UST: variants seen among roughly 807,000 people sequenced by gnomAD.
UST encodes the protein chondroitin sulfate 2-O-sulfotransferase.
A neutral mutation model predicts 45.6 loss-of-function variants in UST; 21 were observed. The ratio of observed to expected loss-of-function variants is 0.46; its 90% CI spans 0.33 to 0.66. The LOEUF (loss-of-function observed/expected upper bound fraction) is 0.66. Ranked by LOEUF, UST falls within the 30% of genes least tolerant of loss-of-function variation. UST has a pLI of 0.02. For synonymous variants in UST, 215 were observed against 200.6 expected, an observed-to-expected ratio of 1.07 and a Z score of -0.61; for missense variants, 463 against 512.4, an observed-to-expected ratio of 0.90 and a Z score of 0.93.
chr6:148,976,347 C>T (rs909729542), intron 5 of UST, among the ~76,000 whole-genome samples: 12 of 152,154 alleles, frequency 7.9e-5, no homozygotes, highest in African/African-American at 2.7e-4. Flanking sequence ...TTTCAAACTA[C>T]GAACATGACA....
chr6:148,902,420 G>A (rs1315531466), intron 2 of UST, among the ~76,000 whole-genome samples: 8 of 149,260 alleles, frequency 5.4e-5, no homozygotes, highest in Non-Finnish European at 1.0e-4. Flanking sequence ...AATTTTAATA[G>A]ACCCAAGGTC....
intron 1 of UST, among the ~76,000 whole-genome samples, chr6:148,813,286 T>C (rs1777293556): frequency 6.6e-6 from 1 of 152,174 alleles, no homozygotes; most frequent in Non-Finnish European, 1.5e-5. Flanking sequence ...CCAGAACCCT[T>C]TTTTTCTTTT....
chr6:149,023,101 GGTGTGT>G (rs61544082), intron 7 of UST, among the ~76,000 whole-genome samples: 24,403 of 143,294 alleles, frequency 0.17, 2,251 homozygotes, highest in Middle Eastern at 0.19. Flanking sequence ...CTTGTTCTAT[GGTGTGT>G]GTGTGTGTGT....
intron 1 of UST, among the ~76,000 whole-genome samples, chr6:148,788,603 A>C (rs1282313359): frequency 6.6e-6 from 1 of 152,264 alleles, no homozygotes; most frequent in East Asian, 1.9e-4. Flanking sequence ...GACACATCCA[A>C]TCTGCGTGGC....
At chr6:148,913,423 C>CTTTTTTTTTTTTTTTTTT (rs34110477) in intron 2 of UST, among the ~76,000 whole-genome samples, 1 of 79,880 alleles carries the variant, frequency 1.3e-5, no homozygotes, top group African/African-American at 5.0e-5. Context: ...GACCAAAAAT[C>CTTTTTTTTTTTTTTTTTT]TTTTTTTTTT....
chr6:149,040,688 T>C (rs574113104), intron 7 of UST, among the ~76,000 whole-genome samples: 10 of 152,236 alleles, frequency 6.6e-5, no homozygotes, highest in Admixed American at 6.5e-4. Flanking sequence ...AATAAAATTG[T>C]ATTTTGTATG....
chr6:148,949,031 C>T (rs1177695236), intron 3 of UST, among the ~76,000 whole-genome samples: 2 of 152,078 alleles, frequency 1.3e-5, no homozygotes, highest in African/African-American at 4.8e-5. Flanking sequence ...TGGCTCACAC[C>T]TGTAATCCTA....
chr6:148,757,937 T>G (rs965874381), intron 1 of UST, among the ~76,000 whole-genome samples: 4 of 152,262 alleles, frequency 2.6e-5, no homozygotes, highest in African/African-American at 9.6e-5. Context: ...TTTATTAACT[T>G]CTCTGAACCT....
chr6:148,815,705 T>C (rs1490109290), intron 1 of UST, among the ~76,000 whole-genome samples: 1 of 152,100 alleles, frequency 6.6e-6, no homozygotes, highest in Non-Finnish European at 1.5e-5. Context: ...GAACAAATAG[T>C]GGTCTTGGTC....
At chr6:148,798,134 GC>G (rs1347601052) in intron 1 of UST, among the ~76,000 whole-genome samples, 3 of 152,138 alleles carry the variant, frequency 2.0e-5, no homozygotes, top group Non-Finnish European at 4.4e-5. Context: ...GAAGAAAAGA[GC>G]CTGCACCGAG....
intron 1 of UST, among the ~76,000 whole-genome samples, chr6:148,878,411 G>T (rs1582872895): frequency 9.4e-6 from 1 of 106,490 alleles, no homozygotes; most frequent in Non-Finnish European, 1.9e-5. Flanking sequence ...GATTGTGTAT[G>T]AGTGGGGGGG....
intron 2 of UST, among the ~76,000 whole-genome samples, chr6:148,905,519 C>T (rs1017941310): frequency 3.9e-5 from 6 of 152,204 alleles, no homozygotes; most frequent in African/African-American, 1.4e-4. Flanking sequence ...TGGGGTGAGA[C>T]CTAGACTCCC....
intron 1 of UST, among the ~76,000 whole-genome samples, chr6:148,816,083 G>A (rs1296828469): frequency 6.6e-6 from 1 of 152,238 alleles, no homozygotes; most frequent in Non-Finnish European, 1.5e-5. Context: ...GGATTGTTGG[G>A]TGCCTCAGGA....
intron 1 of UST, among the ~76,000 whole-genome samples, chr6:148,777,964 C>T (rs530288308): frequency 1.6e-4 from 24 of 152,160 alleles, no homozygotes; most frequent in Non-Finnish European, 3.2e-4. Flanking sequence ...TAGGCTATAC[C>T]ATCTAGCCTA....
chr6:148,941,505 C>T (rs1373596695), intron 3 of UST, 71 bp downstream of exon 3: 2 of 1,485,948 alleles, frequency 1.3e-6, no homozygotes, highest in Middle Eastern at 1.9e-4. Context: ...GGGTGCCTTA[C>T]AGGTCATCCT....
intron 1 of UST, among the ~76,000 whole-genome samples, chr6:148,769,749 T>TG (rs1776386300): frequency 4.0e-5 from 5 of 124,720 alleles, no homozygotes; most frequent in South Asian, 2.5e-4. Context: ...GGAGCCTGTG[T>TG]TTGTGTGTGT....
Position 148,823,085 on chromosome 6 carries a change from G to A in UST, c.248-63901G>A, listed in dbSNP as rs146987180. ...ATCTGTCTACATCACCAGAGAGGTAGAGATAATTTCCTTTAGTTTTAGAAG... is the reference window on the plus strand; with the variant it reads ...ATCTGTCTACATCACCAGAGAGGTAAAGATAATTTCCTTTAGTTTTAGAAG... On this transcript the variant is annotated intron_variant, in intron 1 of 7. Coordinates refer to ENST00000367463, the MANE Select transcript of UST (RefSeq NM_005715.3). Among the ~76,000 whole-genome samples, 592 of 152,316 alleles carry A rather than the reference G, an allele frequency of 3.9e-3. 1 individual carries two copies. The highest frequency in any genetic ancestry group is 0.014 in the Middle Eastern group (4 of 294).
At chr6:148,932,333 T>C (rs919415123) in intron 2 of UST, among the ~76,000 whole-genome samples, 2 of 152,052 alleles carry the variant, frequency 1.3e-5, no homozygotes, top group African/African-American at 4.8e-5. Context: ...TGAACCAAGA[T>C]TGTGCTCCTG....
chr6:148,928,943 C>T (rs1460739383), intron 2 of UST, among the ~76,000 whole-genome samples: 1 of 152,214 alleles, frequency 6.6e-6, no homozygotes, highest in Non-Finnish European at 1.5e-5. Context: ...TTCATCTCTC[C>T]TCTTCTCCAG....
Sources: allele counts gnomAD v4.1 joint callset (sites outside exome capture counted in the v4.1 genomes callset), GRCh38; gene constraint gnomAD v4.1.1; transcripts MANE v1.5; gene names NCBI Gene and HGNC (gene_info 2026-07-23, HGNC 2026-07-21).